Variants in PARP4 observed in about 807,000 individuals in gnomAD.
PARP4 encodes the protein protein mono-ADP-ribosyltransferase PARP4.
Under a neutral mutation model 187.7 loss-of-function variants are expected in PARP4, and 120 were observed. The ratio of observed to expected loss-of-function variants is 0.64; its 90% confidence interval spans 0.55 to 0.74. PARP4 has a LOEUF of 0.74. Ranked by LOEUF, PARP4 falls within the 30% of genes least tolerant of loss-of-function variation. The pLI, the probability that PARP4 is intolerant of heterozygous loss-of-function variation, is 0.00. For synonymous variants in PARP4, 654 were observed against 740.9 expected, an observed-to-expected ratio of 0.88 and a Z score of 1.90; for missense variants, 1,836 against 2,070.5, an observed-to-expected ratio of 0.89 and a Z score of 2.20.
chr13:24,481,749 A>C (rs1212230205), intron 12 of PARP4, among the ~76,000 whole-genome samples: 1 of 152,220 alleles, frequency 6.6e-6, no homozygotes, highest in South Asian at 2.1e-4. Flanking sequence ...CTGTAATCCC[A>C]GGAGTCTGAG....
chr13:24,421,706 C>T (rs532187626), intron 33 of PARP4, among the ~76,000 whole-genome samples: 118 of 152,402 alleles, frequency 7.7e-4, no homozygotes, highest in African/African-American at 2.7e-3. Context: ...CTCTCCTTCC[C>T]ACTGTACTGA....
chr13:24,468,351 C>CATCT (rs1471657824), intron 17 of PARP4, among the ~76,000 whole-genome samples: 1 of 151,822 alleles, frequency 6.6e-6, no homozygotes, highest in Non-Finnish European at 1.5e-5. Context: ...ATGATTGGAC[C>CATCT]ATCTGCTAGG....
chr13:24,488,732 C>T (rs1314454155), intron 10 of PARP4, among the ~76,000 whole-genome samples: 2 of 152,140 alleles, frequency 1.3e-5, no homozygotes, highest in African/African-American at 2.4e-5. Flanking sequence ...GTATTTAGTA[C>T]AGAACATTCA....
intron 25 of PARP4, among the ~76,000 whole-genome samples, chr13:24,448,292 C>T (rs1871314753): frequency 6.6e-6 from 1 of 152,064 alleles, no homozygotes; most frequent in Non-Finnish European, 1.5e-5. Flanking sequence ...CCTGTAGTCC[C>T]AGCTACTCTG....
rs563657539 is a variant in PARP4 at position 24,488,446 on chromosome 13, C to T, written c.1215-2141G>A. On this transcript the variant is annotated intron_variant, in intron 10 of 33. Transcript: ENST00000381989. ...CTGGCTCACTGCAACCTCCACCTCCCGGGTTCAAGCGATTCTTGTGCCTCA... is the reference window on the plus strand; with the variant it reads ...CTGGCTCACTGCAACCTCCACCTCCTGGGTTCAAGCGATTCTTGTGCCTCA... 5.8e-4 allele frequency among the ~76,000 whole-genome samples: 89 copies of T among 152,260 alleles called. 1 individual carries two copies. Among genetic ancestry groups the T allele is most frequent in the Middle Eastern group, 3.4e-3 (1 of 292 alleles).
At position 24,485,491 on chromosome 13, in the gene PARP4, G is replaced by T. The variant is rs1466294222; in HGVS notation, c.1352+677C>A. Among the ~76,000 whole-genome samples, 6 of 152,022 alleles carry T rather than the reference G, an allele frequency of 3.9e-5. No homozygotes were observed. The East Asian group carries it at 1.2e-3, about 29-fold the overall frequency. ...TGGGTCCCTCAGTAGCAGTTTAATG[G>T]TTTTTTGGTTTTTTCTTTCTTTTCC... is the stretch of plus-strand genomic sequence containing the variant. On this transcript the variant is annotated intron_variant, in intron 11 of 33. Coordinates refer to ENST00000381989, the MANE Select transcript of PARP4 (RefSeq NM_006437.4).
chr13:24,449,624 C>T (rs1871401695), intron 25 of PARP4, 94 bp downstream of exon 25: 1 of 727,356 alleles, frequency 1.4e-6, no homozygotes, highest in Non-Finnish European at 2.3e-6. Flanking sequence ...GCTCCCCTCT[C>T]ATTCAAGGAA....
At chr13:24,488,515 G>A (rs934976600) in intron 10 of PARP4, among the ~76,000 whole-genome samples, 4 of 151,138 alleles carry the variant, frequency 2.6e-5, no homozygotes, top group Non-Finnish European at 5.9e-5. Context: ...CACCATGCCC[G>A]GCTAATTTTT....
intron 27 of PARP4, among the ~76,000 whole-genome samples, chr13:24,446,264 C>G (rs551128226): frequency 6.6e-6 from 1 of 152,238 alleles, no homozygotes. Context: ...ATAGACATAC[C>G]TAGACCAAAC....
chr13:24,464,198 A>G (rs1872343366), intron 17 of PARP4, among the ~76,000 whole-genome samples: 1 of 152,218 alleles, frequency 6.6e-6, no homozygotes, highest in African/African-American at 2.4e-5. Flanking sequence ...GGAAGAATCA[A>G]TATCGTGAAA....
At position 24,443,680 on chromosome 13, in the gene PARP4, G is replaced by A. The variant is rs536289556; in HGVS notation, c.3417C>T (p.Gly1139=). 6.2e-7 allele frequency: 1 copy of A among 1,613,078 alleles called. No homozygotes were observed. Among genetic ancestry groups the A allele is most frequent in the African/African-American group, 1.3e-5 (1 of 75,020 alleles). Residue 1139 remains glycine, a synonymous_variant, in exon 28 of 34, where the codon GGC becomes GGT. Transcript: ENST00000381989. The part of the protein sequence containing the change: ...ARALIRDYED[G]ILHENETSHE... ...GACTGGTTTCATTTTCGTGAAGAAT[G>A]CCATCTTCATAATCTCTGATTAGAG...
At position 24,420,934 on chromosome 13, in the gene PARP4, T is replaced by G; in HGVS notation, c.*185A>C. Reference sequence around the variant, plus strand: ...AATGAGACACAGAAAACTGAAATATTTTAAGTTTCATTTTATTATTGCTTG... The same window carrying G: ...AATGAGACACAGAAAACTGAAATATGTTAAGTTTCATTTTATTATTGCTTG... On this transcript the variant is annotated 3_prime_UTR_variant, in exon 34 of 34. Transcript: ENST00000381989. The G allele has an allele frequency of 9.3e-6, 6 of 646,334 alleles. No individual in the cohort carries two copies. Among genetic ancestry groups the G allele is most frequent in the South Asian group, 5.2e-5 (1 of 19,258 alleles). 40.0% of individuals were successfully genotyped at this position (646,334 alleles called of 1,614,324 possible).
At chr13:24,473,848 CGT>C (rs1399681266) in intron 15 of PARP4, among the ~76,000 whole-genome samples, 1 of 152,106 alleles carries the variant, frequency 6.6e-6, no homozygotes, top group Non-Finnish European at 1.5e-5. Flanking sequence ...CAGCTGTCCT[CGT>C]GTGTCTCCAC....
chr13:24,461,328 G>A (rs1872205878), intron 17 of PARP4, among the ~76,000 whole-genome samples: 1 of 152,174 alleles, frequency 6.6e-6, no homozygotes, highest in Non-Finnish European at 1.5e-5. Flanking sequence ...AACACCTGGG[G>A]TTCATTTGAG....
At position 24,455,099 on chromosome 13, in the gene PARP4, G is replaced by C. The variant is rs1465110861; in HGVS notation, c.2676C>G (p.Phe892Leu). The change falls in exon 22 of 34, where the codon TTC (phenylalanine) becomes TTG (leucine). Residue 892 changes from phenylalanine to leucine, a missense_variant. By Grantham distance (22) the Phe-to-Leu change is conservative (BLOSUM62 0). This residue lies in a region of PARP4 where 1,147 missense variants were observed against 1,214.2 expected (regional missense o/e 0.94). Coordinates refer to ENST00000381989, the MANE Select transcript of PARP4 (RefSeq NM_006437.4). ...DCSSSMEGVT[F>L]LQAKQIALHA... ...GCAAGGCGATTTGCTTGGCTTGCAAGAATGTCACACCCTCCATGGAACTGG... is the reference window on the plus strand; with the variant it reads ...GCAAGGCGATTTGCTTGGCTTGCAACAATGTCACACCCTCCATGGAACTGG... 6.2e-7 allele frequency: 1 copy of C among 1,613,512 alleles called. No homozygotes were observed.
At chr13:24,509,918 T>G (rs1869905256) in intron 1 of PARP4, among the ~76,000 whole-genome samples, 1 of 152,122 alleles carries the variant, frequency 6.6e-6, no homozygotes, top group Non-Finnish European at 1.5e-5. Flanking sequence ...CAGGCTGGTC[T>G]CGAATTCCTG....
chr13:24,487,025 G>A (rs573592878), intron 10 of PARP4, among the ~76,000 whole-genome samples: 1 of 151,866 alleles, frequency 6.6e-6, no homozygotes, highest in African/African-American at 2.4e-5. Flanking sequence ...ACTTTGGGAG[G>A]CTGTGGTGGG....
intron 30 of PARP4, 38 bp from the exon 31 acceptor site, chr13:24,435,512 C>A: frequency 6.6e-7 from 1 of 1,523,928 alleles, no homozygotes; most frequent in Non-Finnish European, 8.7e-7. Flanking sequence ...AAGGGGAAAA[C>A]ACAGAATAAA....
chr13:24,448,149 G>C (rs545752501), intron 25 of PARP4, among the ~76,000 whole-genome samples: 7 of 152,296 alleles, frequency 4.6e-5, no homozygotes, highest in African/African-American at 1.7e-4. Context: ...TGTCAGGGCT[G>C]CAGTGAGCCA....
Sources: allele counts gnomAD v4.1 joint callset (sites outside exome capture counted in the v4.1 genomes callset), GRCh38; gene constraint gnomAD v4.1.1; regional missense constraint gnomAD v4.1.1; transcripts MANE v1.5; gene names NCBI Gene and HGNC (gene_info 2026-07-23, HGNC 2026-07-21).